ANKRD27: variants seen among roughly 807,000 people sequenced by gnomAD.
ANKRD27 encodes the protein ankyrin repeat domain-containing protein 27.
ANKRD27 carries 112 observed loss-of-function variants against 129.7 expected under a neutral mutation model. The observed-to-expected ratio is 0.86, with a 90% CI of 0.74 to 1.01. ANKRD27 has a LOEUF of 1.01. ANKRD27 is among the 50% of genes least tolerant of loss of function. The probability of loss-of-function intolerance (pLI) is 0.00; values close to 1 mark genes in which losing one functional copy is unlikely to be tolerated. For missense variants in ANKRD27, 1,258 were observed against 1,300.5 expected (o/e 0.97, Z 0.50); for synonymous variants, 516 against 511.2 (o/e 1.01, Z -0.13).
At chr19:32,628,951 C>T (rs547954760) in intron 13 of ANKRD27, 102 bp from the exon 14 acceptor site, 10 of 1,338,174 alleles carry the variant, frequency 7.5e-6, no homozygotes, top group African/African-American at 7.3e-5. Context: ...GATGGAGTCT[C>T]GTCCTGTCGC....
intron 1 of ANKRD27, among the ~76,000 whole-genome samples, chr19:32,672,442 AC>A (rs1258617474): frequency 6.6e-6 from 1 of 152,126 alleles, no homozygotes; most frequent in Non-Finnish European, 1.5e-5. Context: ...CTGCTCACCC[AC>A]TTGAACAAAA....
At chr19:32,641,836 T>C (rs737547) in intron 10 of ANKRD27, among the ~76,000 whole-genome samples, 188 bp downstream of exon 10, 102,566 of 147,626 alleles carry the variant, frequency 0.69, 36,117 homozygotes, top group African/African-American at 0.81. Flanking sequence ...GGTGTGATCA[T>C]AGCTCACTGC....
chr19:32,642,074 A>T lies in ANKRD27; in HGVS notation c.854T>A (p.Val285Asp). 2 of 1,611,340 alleles carry T rather than the reference A, an allele frequency of 1.2e-6. No individual in the cohort carries two copies. Among genetic ancestry groups the T allele is most frequent in the Non-Finnish European group, 1.7e-6 (2 of 1,178,038 alleles). Residue 285 changes from valine to aspartate, a missense_variant, in exon 10 of 29, where the codon GTC (valine) becomes GAC (aspartate). Val to Asp is a radical substitution (Grantham distance 152). Coordinates refer to ENST00000306065, the MANE Select transcript of ANKRD27 (RefSeq NM_032139.3). ...NKCTSPQQKL[V>D]CLRKVVQLIT... is the part of the protein sequence containing the mutation. ...GAGCTGCACCACTTTTCGCAAGCAG[A>T]CAAGCTTCTGCTGTGGGGAGGTGCA...
rs532062312 is a variant in ANKRD27, at chr19:32,606,939, C to CAA, written c.2373+694_2373+695dup. Among the ~76,000 whole-genome samples the CAA allele has an allele frequency of 3.7e-3, 243 of 65,630 alleles. 24 individuals are homozygous for CAA. Among genetic ancestry groups the CAA allele is most frequent in the East Asian group, 7.0e-3 (12 of 1,710 alleles). 43.1% of individuals were successfully genotyped at this position (65,630 alleles called of 152,430 possible). On this transcript the variant is annotated intron_variant, in intron 23 of 28. Transcript: ENST00000306065. Reference sequence around the variant, plus strand: ...ACAACATGGTGAAACCCCATCTCCACAAAAAAAAAAAAAAAAAAAAAAAAA... The same window carrying CAA: ...ACAACATGGTGAAACCCCATCTCCACAAAAAAAAAAAAAAAAAAAAAAAAAAA...
At chr19:32,600,373 C>G (rs1242280954) in intron 26 of ANKRD27, 1 of 200,586 alleles carries the variant, frequency 5.0e-6, no homozygotes, top group African/African-American at 2.3e-5. Context: ...AACCCCATCT[C>G]TACCCAAAAT....
intron 18 of ANKRD27, 48 bp downstream of exon 18, chr19:32,622,374 C>T (rs758521527): frequency 1.3e-5 from 21 of 1,598,130 alleles, no homozygotes; most frequent in Middle Eastern, 1.7e-4. Context: ...CTACGGACAT[C>T]GATCTTCTTT....
intron 2 of ANKRD27, among the ~76,000 whole-genome samples, chr19:32,657,528 G>A (rs757173642): frequency 7.3e-5 from 11 of 150,346 alleles, no homozygotes; most frequent in Non-Finnish European, 8.8e-5. Flanking sequence ...TCAGGAGGCC[G>A]AGGCAAATCA....
intron 12 of ANKRD27, chr19:32,638,951 G>T: frequency 3.2e-6 from 1 of 313,422 alleles, no homozygotes. Context: ...CAGCAGGCCC[G>T]AACAAAACTC....
At chr19:32,612,007 G>A (rs576741386) in intron 22 of ANKRD27, among the ~76,000 whole-genome samples, 4 of 152,298 alleles carry the variant, frequency 2.6e-5, no homozygotes, top group Admixed American at 2.0e-4. Flanking sequence ...CCAAAGTGTT[G>A]GGATTACAGG....
chr19:32,634,587 GACAA>G lies in ANKRD27; in HGVS notation c.1117-3097_1117-3094del, dbSNP rs1277955114. Among the ~76,000 whole-genome samples the G allele has an allele frequency of 5.3e-5, 8 of 152,266 alleles. No homozygotes were observed. The East Asian group carries it at 1.4e-3, about 26-fold the overall frequency. ...GGCATCCTTACACCCCAGATGCAGA[GACAA>G]ACAGACATGCCCAAGACATCTGAGC... On this transcript the variant is annotated intron_variant, in intron 12 of 28. Coordinates refer to ENST00000306065, the MANE Select transcript of ANKRD27 (RefSeq NM_032139.3).
chr19:32,604,214 G>A, intron 25 of ANKRD27, 49 bp downstream of exon 25: 1 of 1,553,166 alleles, frequency 6.4e-7, no homozygotes, highest in Non-Finnish European at 8.8e-7. Context: ...TCCAGAGGGA[G>A]CTGTGAGGAG....
intron 1 of ANKRD27, among the ~76,000 whole-genome samples, chr19:32,661,240 CACACACA>C (rs1967640346): frequency 1.3e-5 from 2 of 150,224 alleles, no homozygotes; most frequent in Admixed American, 6.6e-5. Flanking sequence ...CACACACACA[CACACACA>C]CACATATACT....
At chr19:32,671,234 GTTATGAC>G (rs746631948) in intron 1 of ANKRD27, among the ~76,000 whole-genome samples, 142 of 151,956 alleles carry the variant, frequency 9.3e-4, no homozygotes, top group Non-Finnish European at 1.9e-3. Context: ...GCTGCAATGA[GTTATGAC>G]TGCACCACTG....
At chr19:32,600,969 A>G (rs1203391238) in intron 26 of ANKRD27, among the ~76,000 whole-genome samples, 1 of 152,162 alleles carries the variant, frequency 6.6e-6, no homozygotes, top group East Asian at 1.9e-4. Flanking sequence ...CTGCTGTTTT[A>G]ATTATAATCA....
intron 2 of ANKRD27, among the ~76,000 whole-genome samples, chr19:32,654,486 T>C (rs1967481777): frequency 6.6e-6 from 1 of 152,202 alleles, no homozygotes; most frequent in Non-Finnish European, 1.5e-5. Flanking sequence ...GACTTTTTCT[T>C]TCAATCTATG....
chr19:32,632,544 C>T (rs1455844387), intron 12 of ANKRD27, among the ~76,000 whole-genome samples: 2 of 141,674 alleles, frequency 1.4e-5, no homozygotes, highest in East Asian at 4.1e-4. Flanking sequence ...AAGATGGTGC[C>T]ACTACACTCC....
At chr19:32,658,312 G>T (rs193077169) in intron 2 of ANKRD27, among the ~76,000 whole-genome samples, 1 of 152,308 alleles carries the variant, frequency 6.6e-6, no homozygotes, top group Admixed American at 6.5e-5. Context: ...CCACAATGTG[G>T]GGCCCGCCCC....
chr19:32,631,080 AT>A (rs1295095470), intron 13 of ANKRD27, among the ~76,000 whole-genome samples: 1 of 151,836 alleles, frequency 6.6e-6, no homozygotes, highest in African/African-American at 2.4e-5. Context: ...GTGCAATGGC[AT>A]GATCTCGGCT....
chr19:32,641,069 T>A (rs999274750), intron 10 of ANKRD27, among the ~76,000 whole-genome samples: 9 of 151,996 alleles, frequency 5.9e-5, no homozygotes, highest in African/African-American at 2.2e-4. Context: ...CAGCTAATTT[T>A]TTTTTGCATT....
Sources: gnomAD v4.1 joint callset for allele counts (sites outside exome capture counted in the v4.1 genomes callset) on GRCh38, gnomAD v4.1.1 for gene constraint, MANE v1.5 for transcripts, NCBI Gene and HGNC (gene_info 2026-07-23, HGNC 2026-07-21) for gene names.